The following CPED1 variants were observed in gnomAD, a reference collection of about 807,000 sequenced individuals.
CPED1 encodes cadherin-like and PC-esterase domain-containing protein 1.
CPED1 carries 114 observed loss-of-function variants against 128.2 expected under a neutral mutation model. The ratio of observed to expected loss-of-function variants is 0.89; its 90% CI spans 0.76 to 1.04. The LOEUF is 1.04. CPED1 is among the 50% of genes least tolerant of loss of function. The pLI is 0.00. For synonymous variants in CPED1, 462 were observed against 426.7 expected (o/e 1.08, Z -1.02); for missense variants, 1,211 against 1,207.1 (o/e 1.00, Z -0.05).
intron 16 of CPED1, among the ~76,000 whole-genome samples, chr7:121,167,542 C>T (rs2116454528): frequency 6.6e-6 from 1 of 152,214 alleles, no homozygotes; most frequent in South Asian, 2.1e-4. Flanking sequence ...AGGATCACAG[C>T]ATAAAGTCTG....
chr7:121,271,639 T>G (rs985027527), intron 22 of CPED1, among the ~76,000 whole-genome samples: 4 of 152,152 alleles, frequency 2.6e-5, no homozygotes, highest in Admixed American at 6.6e-5. Flanking sequence ...AATTTATGTT[T>G]GTTTAGACAC....
At chr7:121,172,287 CT>C (rs973108827) in intron 16 of CPED1, among the ~76,000 whole-genome samples, 3 of 151,960 alleles carry the variant, frequency 2.0e-5, no homozygotes, top group African/African-American at 7.2e-5. Flanking sequence ...TTCTATAAAA[CT>C]AGTGCTTAGT....
chr7:120,994,260 C>A (rs1796356446), intron 2 of CPED1, among the ~76,000 whole-genome samples: 1 of 152,164 alleles, frequency 6.6e-6, no homozygotes, highest in South Asian at 2.1e-4. Context: ...CACTGAGAAT[C>A]CTTCTCTTTA....
At chr7:121,234,809 A>C (rs1798217292) in intron 16 of CPED1, among the ~76,000 whole-genome samples, 1 of 152,126 alleles carries the variant, frequency 6.6e-6, no homozygotes, top group Non-Finnish European at 1.5e-5. Context: ...GAGTGAACAC[A>C]CACGTACACG....
At chr7:121,238,188 G>A (rs1798304311) in intron 17 of CPED1, among the ~76,000 whole-genome samples, 1 of 152,102 alleles carries the variant, frequency 6.6e-6, no homozygotes, top group African/African-American at 2.4e-5. Flanking sequence ...GGACATTGTG[G>A]GTGAGGCCGC....
chr7:121,268,237 A>T (rs187355588), intron 21 of CPED1, among the ~76,000 whole-genome samples: 1 of 151,838 alleles, frequency 6.6e-6, no homozygotes, highest in East Asian at 2.0e-4. Flanking sequence ...GAGATCCACA[A>T]TTCATTCTTG....
rs1419167594 is a variant in CPED1 at position 121,185,832 on chromosome 7, G to A, written c.2055+43691G>A. On this transcript the variant is annotated intron_variant, in intron 16 of 22. Coordinates refer to ENST00000310396, the MANE Select transcript of CPED1 (RefSeq NM_024913.5). ...TGCACAGCATGCTGCTGCTAACTGC[G>A]ATTCTCTGCTTAAACAATCCATAAG... Among the ~76,000 whole-genome samples, 4 of 152,144 alleles carry A rather than the reference G, an allele frequency of 2.6e-5. No individual in the cohort carries two copies. The South Asian group carries it at 6.2e-4, about 24-fold the overall frequency.
intron 16 of CPED1, among the ~76,000 whole-genome samples, chr7:121,219,724 T>A (rs1301760019): frequency 6.6e-6 from 1 of 152,042 alleles, no homozygotes; most frequent in Admixed American, 6.6e-5. Context: ...AGTAAGATTA[T>A]CCATTCCAAA....
At chr7:121,035,128 AG>A (rs1328349802) in intron 3 of CPED1, among the ~76,000 whole-genome samples, 1 of 152,124 alleles carries the variant, frequency 6.6e-6, no homozygotes, top group Non-Finnish European at 1.5e-5. Context: ...GCTGGAGAAC[AG>A]GAGTGTTTGT....
At chr7:120,989,989 A>G (rs1038836984) in intron 2 of CPED1, 119 bp downstream of exon 2, 2 of 1,227,870 alleles carry the variant, frequency 1.6e-6, no homozygotes, top group African/African-American at 1.5e-5. Context: ...CAGAGTGTAA[A>G]CAGCCTAGAG....
Position 121,127,148 on chromosome 7 carries a change from CAGA to C in CPED1, c.1198_1200del (p.Glu400del). On this transcript the variant is annotated inframe_deletion, in exon 10 of 23. Transcript: ENST00000310396. ...AATATGGATTTTGAGGACCAAAATA[CAGA>C]AGAATTCCTTTTAAATGACACTTTC... The C allele has an allele frequency of 1.3e-6, 2 of 1,597,580 alleles. No individual in the cohort carries two copies. Among genetic ancestry groups the C allele is most frequent in the South Asian group, 1.1e-5 (1 of 90,620 alleles).
intron 3 of CPED1, among the ~76,000 whole-genome samples, chr7:121,026,280 C>T (rs991001568): frequency 5.3e-5 from 8 of 152,148 alleles, no homozygotes; most frequent in South Asian, 4.1e-4. Flanking sequence ...AGGGGTCTAC[C>T]TGCTTCCTTA....
chr7:121,237,513 G>A (rs1382983886), intron 17 of CPED1, among the ~76,000 whole-genome samples: 1 of 152,120 alleles, frequency 6.6e-6, no homozygotes, highest in Non-Finnish European at 1.5e-5. Context: ...ACTAGAATGA[G>A]ATACATCTTT....
At chr7:121,240,914 G>A (rs1049245849) in intron 17 of CPED1, among the ~76,000 whole-genome samples, 3 of 152,070 alleles carry the variant, frequency 2.0e-5, no homozygotes, top group Non-Finnish European at 2.9e-5. Flanking sequence ...GTTTGCTTGA[G>A]AAATACATCA....
At chr7:121,132,322 G>A (rs1563039015) in intron 12 of CPED1, among the ~76,000 whole-genome samples, 1 of 152,028 alleles carries the variant, frequency 6.6e-6, no homozygotes, top group Admixed American at 6.6e-5. Context: ...AGGGCTCATT[G>A]ATGATCCAGT....
intron 13 of CPED1, among the ~76,000 whole-genome samples, chr7:121,134,217 G>A (rs1255206908): frequency 6.6e-6 from 1 of 152,030 alleles, no homozygotes; most frequent in African/African-American, 2.4e-5. Flanking sequence ...GAAAATGGGG[G>A]TGTATGTACA....
intron 10 of CPED1, 143 bp downstream of exon 10, chr7:121,127,400 T>A: frequency 2.0e-6 from 1 of 503,228 alleles, no homozygotes; most frequent in Non-Finnish European, 3.4e-6. Flanking sequence ...TAATTTTTTC[T>A]GACCTCTGGA....
intron 11 of CPED1, among the ~76,000 whole-genome samples, chr7:121,129,778 A>G (rs1315823586): frequency 6.6e-6 from 1 of 151,912 alleles, no homozygotes; most frequent in Admixed American, 6.6e-5. Context: ...TCACTCTGAC[A>G]TAATTCATTT....
At chr7:121,252,294 C>A (rs868384661) in intron 18 of CPED1, among the ~76,000 whole-genome samples, 38 of 152,054 alleles carry the variant, frequency 2.5e-4, no homozygotes, top group African/African-American at 7.7e-4. Context: ...CCTTCCTTAC[C>A]CCTTATACAA....
Sources: allele counts gnomAD v4.1 joint callset (sites outside exome capture counted in the v4.1 genomes callset), GRCh38; gene constraint gnomAD v4.1.1; transcripts MANE v1.5; gene names NCBI Gene and HGNC (gene_info 2026-07-23, HGNC 2026-07-21).